ANO3: variants seen among roughly 807,000 people sequenced by gnomAD.
ANO3 encodes anoctamin 3, also known as anoctamin-3.
ANO3 carries 99 observed loss-of-function variants against 144.8 expected under a neutral mutation model. That is an observed-to-expected ratio of 0.68 (90% CI 0.58 to 0.81). ANO3 has a LOEUF of 0.81. ANO3 is among the 30% of genes least tolerant of loss of function. The probability of loss-of-function intolerance (pLI) is 0.00; values close to 1 mark genes in which losing one functional copy is unlikely to be tolerated. For missense variants in ANO3, 905 were observed against 1,202.2 expected, an observed-to-expected ratio of 0.75 and a Z score of 3.66; for synonymous variants, 414 against 392.6, an observed-to-expected ratio of 1.05 and a Z score of -0.64.
At position 26,531,330 on chromosome 11, in the gene ANO3, T is replaced by G; in HGVS notation, c.863T>G (p.Ile288Ser). Reference protein sequence around the residue: ...CYTGPFSRARIHHFIINNKDT... With the variant: ...CYTGPFSRARSHHFIINNKDT... ...ACTGGCCCCTTCAGCCGTGCACGGA[T>G]TCACCAGTGAGTTCCCCTCTTTTTT... is the stretch of plus-strand genomic sequence containing the variant. Residue 288 changes from isoleucine (I) to serine (S), a missense_variant, in exon 8 of 27, where the codon ATT becomes AGT. Transcript: ENST00000256737. 6.2e-7 allele frequency: 1 copy of G among 1,605,670 alleles called. No homozygotes were observed. The highest frequency in any genetic ancestry group is 8.5e-7 in the Non-Finnish European group (1 of 1,176,754).
At chr11:26,546,585 A>C (rs930394708) in intron 11 of ANO3, among the ~76,000 whole-genome samples, 9 of 152,034 alleles carry the variant, frequency 5.9e-5, no homozygotes, top group Non-Finnish European at 1.0e-4. Flanking sequence ...GTGGTAAAGA[A>C]GTCAGGAAAT....
chr11:26,494,820 C>T (rs1221242124), intron 4 of ANO3, among the ~76,000 whole-genome samples: 1 of 152,104 alleles, frequency 6.6e-6, no homozygotes, highest in Non-Finnish European at 1.5e-5. Context: ...TCCAGGAGAT[C>T]TATGAAGTCC....
upstream of ANO3, among the ~76,000 whole-genome samples, chr11:26,305,842 T>G (rs1854368049): frequency 6.6e-6 from 1 of 152,158 alleles, no homozygotes; most frequent in African/African-American, 2.4e-5. Context: ...GAAAATATAT[T>G]TTGTTTCAAA....
intron 3 of ANO3, among the ~76,000 whole-genome samples, chr11:26,445,866 C>G (rs1378687593): frequency 6.6e-6 from 1 of 151,934 alleles, no homozygotes; most frequent in Non-Finnish European, 1.5e-5. Flanking sequence ...GAGTGTTTCT[C>G]TCTTGCGCAG....
chr11:26,480,574 A>G (rs1383026553), intron 4 of ANO3, among the ~76,000 whole-genome samples: 1 of 152,160 alleles, frequency 6.6e-6, no homozygotes, highest in African/African-American at 2.4e-5. Flanking sequence ...TTGGGAGGCC[A>G]AGATGTGTGG....
intron 14 of ANO3, among the ~76,000 whole-genome samples, chr11:26,568,447 C>CT (rs777691902): frequency 7.0e-6 from 1 of 143,190 alleles, no homozygotes; most frequent in Non-Finnish European, 1.5e-5. Context: ...TACACAGCTG[C>CT]TTTTTAGAAC....
rs1464244294 is a variant in ANO3, at chr11:26,332,316, A to G, written c.41A>G (p.Gln14Arg). Residue 14 changes from glutamine to arginine, a missense_variant, in exon 1 of 27, where the codon CAA becomes CGA. Coordinates refer to ENST00000256737, the MANE Select transcript of ANO3 (RefSeq NM_031418.4). ...HSGSIQSFKQ[Q>R]KGMNISKSEI... ...GGCTCCATTCAGTCCTTTAAACAGC[A>G]AAAAGGTCAGTTGGAATCTTGCTCC... 6.2e-7 allele frequency: 1 copy of G among 1,613,882 alleles called. No homozygotes were observed.
chr11:26,400,452 C>A (rs1023546393), intron 1 of ANO3, among the ~76,000 whole-genome samples: 1 of 151,802 alleles, frequency 6.6e-6, no homozygotes, highest in Non-Finnish European at 1.5e-5. Flanking sequence ...CACTGAAAAC[C>A]ATTTTAAAAT....
intron 1 of ANO3, among the ~76,000 whole-genome samples, chr11:26,434,107 G>A (rs978488183): frequency 2.6e-5 from 4 of 151,842 alleles, no homozygotes; most frequent in African/African-American, 7.2e-5. Context: ...TTCTGTTGAT[G>A]CAGGTCTGTT....
At chr11:26,248,313 G>T (rs1852846167) in intron 1 of ANO3, among the ~76,000 whole-genome samples, 1 of 151,934 alleles carries the variant, frequency 6.6e-6, no homozygotes, top group Non-Finnish European at 1.5e-5. Flanking sequence ...ACTCCAGCCT[G>T]GGCAACAGAG....
chr11:26,300,204 GCA>G (rs940655231), intron 1 of ANO3, among the ~76,000 whole-genome samples: 1 of 151,160 alleles, frequency 6.6e-6, no homozygotes, highest in Non-Finnish European at 1.5e-5. Context: ...AAGCACGCAC[GCA>G]CACACACACA....
chr11:26,408,475 A>G (rs1430823278), intron 1 of ANO3, among the ~76,000 whole-genome samples: 1 of 150,976 alleles, frequency 6.6e-6, no homozygotes, highest in Non-Finnish European at 1.5e-5. Flanking sequence ...TCAGGAAACA[A>G]CAGGTGCTGG....
At chr11:26,304,545 T>C (rs1270096222) in intron 1 of ANO3, among the ~76,000 whole-genome samples, 2 of 152,170 alleles carry the variant, frequency 1.3e-5, no homozygotes, top group African/African-American at 2.4e-5. Context: ...CCCATTTATC[T>C]AATATAGATA....
chr11:26,342,831 T>A (rs1855400060), intron 1 of ANO3, among the ~76,000 whole-genome samples: 2 of 152,214 alleles, frequency 1.3e-5, no homozygotes, highest in East Asian at 1.9e-4. Context: ...TTATTTTTTT[T>A]ATTTTTTTGT....
intron 18 of ANO3, among the ~76,000 whole-genome samples, chr11:26,629,005 A>G (rs1268390721): frequency 6.6e-6 from 1 of 152,064 alleles, no homozygotes; most frequent in African/African-American, 2.4e-5. Flanking sequence ...TTTTACTTGC[A>G]TATCCAATCT....
chr11:26,393,020 G>A (rs1050681161), intron 1 of ANO3, among the ~76,000 whole-genome samples: 3 of 152,182 alleles, frequency 2.0e-5, no homozygotes, highest in South Asian at 4.1e-4. Flanking sequence ...ATCATAATAG[G>A]CAGTGATACT....
intron 1 of ANO3, among the ~76,000 whole-genome samples, chr11:26,209,193 T>G (rs965418350): frequency 2.0e-5 from 3 of 152,194 alleles, no homozygotes; most frequent in Non-Finnish European, 4.4e-5. Flanking sequence ...CCTCTCCCTG[T>G]GTCCATGTAT....
intron 26 of ANO3, 51 bp downstream of exon 26, chr11:26,656,532 T>A: frequency 4.1e-6 from 5 of 1,222,862 alleles, no homozygotes; most frequent in East Asian, 2.3e-5. Context: ...CTTTTCTAAA[T>A]GATTTATCAG....
At chr11:26,343,663 A>C (rs1056348881) in intron 1 of ANO3, among the ~76,000 whole-genome samples, 2 of 152,200 alleles carry the variant, frequency 1.3e-5, no homozygotes, top group Non-Finnish European at 2.9e-5. Context: ...TTATAATAGG[A>C]GATAGATTGT....
Sources: allele counts gnomAD v4.1 joint callset (sites outside exome capture counted in the v4.1 genomes callset), GRCh38; gene constraint gnomAD v4.1.1; transcripts MANE v1.5; gene names NCBI Gene and HGNC (gene_info 2026-07-23, HGNC 2026-07-21).